POLA2: variants seen among roughly 807,000 people sequenced by gnomAD.
POLA2 encodes DNA polymerase alpha subunit B.
POLA2 carries 47 observed loss-of-function variants against 82.8 expected under a neutral mutation model. That is an observed-to-expected ratio of 0.57 (90% confidence interval 0.45 to 0.72). The LOEUF is 0.72. POLA2 is among the 30% of genes least tolerant of loss of function. POLA2 has a pLI of 0.00. For synonymous variants in POLA2, 287 were observed against 286.8 expected (o/e 1.00, Z -0.01); for missense variants, 634 against 728.1 (o/e 0.87, Z 1.49).
intron 8 of POLA2, among the ~76,000 whole-genome samples, chr11:65,304,512 T>G (rs1565500687): frequency 6.7e-6 from 1 of 150,030 alleles, no homozygotes; most frequent in Non-Finnish European, 1.5e-5. Flanking sequence ...TCTGGGGGAC[T>G]GGCTATGATC....
At chr11:65,301,233 G>A (rs548264212), downstream of POLA2, among the ~76,000 whole-genome samples, 6 of 152,242 alleles carry the variant, frequency 3.9e-5, no homozygotes, top group South Asian at 2.1e-4. Flanking sequence ...TGATGGGCCC[G>A]GAATGGTGCT....
chr11:65,295,646 G>T (rs762705084), intron 16 of POLA2, 47 bp downstream of exon 16: 2 of 1,525,942 alleles, frequency 1.3e-6, no homozygotes, highest in Non-Finnish European at 1.8e-6. Context: ...GTGCCTTGGG[G>T]TCATGGAGCT....
chr11:65,301,705 G>C (rs1226031653), downstream of POLA2, among the ~76,000 whole-genome samples: 1 of 152,146 alleles, frequency 6.6e-6, no homozygotes, highest in Non-Finnish European at 1.5e-5. Flanking sequence ...GGACTGGCCT[G>C]GGGGCAGGGG....
rs368001126 is a variant in POLA2 at position 65,295,571 on chromosome 11, A to G, written c.1492A>G (p.Ile498Val). 1.1e-5 allele frequency: 17 copies of G among 1,614,062 alleles called. No individual in the cohort carries two copies. In the African/African-American group the frequency reaches 1.7e-4, roughly 16 times the overall value. The change falls in exon 16 of 18, where the codon ATA becomes GTA. Residue 498 changes from isoleucine (I) to valine (V), a missense_variant. Transcript: ENST00000265465. Reference protein sequence around the residue: ...SSGTSDRFSRILKHILTQRSY... With the variant: ...SSGTSDRFSRVLKHILTQRSY... ...CGGAACTTCAGACAGATTCAGCCGA[A>G]TACTCAAGCACATCTTGACCCAGAG...
intron 1 of POLA2, among the ~76,000 whole-genome samples, chr11:65,264,404 C>T (rs773782673): frequency 9.2e-5 from 14 of 152,068 alleles, no homozygotes; most frequent in Non-Finnish European, 7.4e-5. Flanking sequence ...AAGGTTTCAC[C>T]ATGTTGGCCA....
At chr11:65,276,531 T>C (rs1008280909) in intron 5 of POLA2, among the ~76,000 whole-genome samples, 1 of 152,188 alleles carries the variant, frequency 6.6e-6, no homozygotes, top group Admixed American at 6.5e-5. Flanking sequence ...TGGTATTTTG[T>C]CCCTCTGCCA....
rs760641138 is a variant in POLA2, at chr11:65,275,366, C to CAA, written c.355-507_355-506dup. ...TATCTTTGGATTCTTGTTGATGAGT[C>CAA]AAAAAAAAAAAAAAAAAAAAGGAGT... On this transcript the variant is annotated intron_variant, in intron 4 of 17. Transcript: ENST00000265465. 8.6e-4 allele frequency among the ~76,000 whole-genome samples: 74 copies of CAA among 85,744 alleles called. 1 individual carries two copies. The highest frequency in any genetic ancestry group is 8.5e-3 in the East Asian group (26 of 3,068). The allele number at this position is 85,744 out of a possible 152,430, so 56.3% of individuals were successfully genotyped here.
chr11:65,266,660 A>G lies in POLA2; in HGVS notation c.158A>G (p.His53Arg), dbSNP rs765622930. Residue 53 changes from histidine to arginine, a missense_variant, in exon 2 of 18, where the codon CAT (histidine) becomes CGT (arginine). Coordinates refer to ENST00000265465, the MANE Select transcript of POLA2 (RefSeq NM_002689.4). ...GELIAFCTST[H>R]KVGLTSEILN... ...CTTATAGCCTTCTGCACCAGCACACATAAAGTTGGCCTTACCTCAGAGATC... is the reference window on the plus strand; with the variant it reads ...CTTATAGCCTTCTGCACCAGCACACGTAAAGTTGGCCTTACCTCAGAGATC... 3.7e-6 allele frequency: 6 copies of G among 1,614,096 alleles called. No individual in the cohort carries two copies. Among genetic ancestry groups the G allele is most frequent in the Admixed American group, 3.3e-5 (2 of 60,008 alleles).
intron 5 of POLA2, among the ~76,000 whole-genome samples, chr11:65,277,439 A>G (rs1949593535): frequency 6.6e-6 from 1 of 152,088 alleles, no homozygotes; most frequent in Admixed American, 6.6e-5. Flanking sequence ...TAGCCTCCCA[A>G]AGTACTGGGA....
chr11:65,298,945 G>A (rs1949841837), downstream of POLA2, among the ~76,000 whole-genome samples: 1 of 152,226 alleles, frequency 6.6e-6, no homozygotes, highest in African/African-American at 2.4e-5. Context: ...GCCGGAGCAG[G>A]CATTTAAGAG....
intron 3 of POLA2, among the ~76,000 whole-genome samples, chr11:65,268,391 G>A (rs576560648): frequency 2.7e-4 from 41 of 149,924 alleles, no homozygotes; most frequent in African/African-American, 9.1e-4. Context: ...TCGCTGTGTC[G>A]CCCATGCTGG....
intron 1 of POLA2, among the ~76,000 whole-genome samples, chr11:65,265,964 C>A (rs887503240): frequency 2.0e-5 from 3 of 152,162 alleles, no homozygotes; most frequent in African/African-American, 7.2e-5. Flanking sequence ...ACTGATGGTT[C>A]CCAAATTTAT....
chr11:65,277,140 C>G lies in POLA2; in HGVS notation c.461+1142C>G, dbSNP rs1243354311. On this transcript the variant is annotated intron_variant, in intron 5 of 17. Coordinates refer to ENST00000265465, the MANE Select transcript of POLA2 (RefSeq NM_002689.4). Reference sequence around the variant, plus strand: ...TGGTGATAGAAGCTCTGCAGTCATTCAAGGTGAGTGGTCATTGGATTTTTT... The same window carrying G: ...TGGTGATAGAAGCTCTGCAGTCATTGAAGGTGAGTGGTCATTGGATTTTTT... Among the ~76,000 whole-genome samples, 3 of 150,170 alleles carry G rather than the reference C, an allele frequency of 2.0e-5. No individual in the cohort carries two copies. The East Asian group carries it at 5.9e-4, about 30-fold the overall frequency.
At chr11:65,263,576 C>G (rs2137480082) in intron 1 of POLA2, among the ~76,000 whole-genome samples, 1 of 152,104 alleles carries the variant, frequency 6.6e-6, no homozygotes, top group South Asian at 2.1e-4. Flanking sequence ...GCCTGTAATC[C>G]CAGCATTTTG....
At chr11:65,270,174 C>A (rs977100846) in intron 4 of POLA2, among the ~76,000 whole-genome samples, 5 of 151,586 alleles carry the variant, frequency 3.3e-5, no homozygotes, top group African/African-American at 1.2e-4. Context: ...TGTAGAAATT[C>A]ATAAACATGG....
At position 65,281,106 on chromosome 11, in the gene POLA2, G is replaced by A. The variant is rs752047249; in HGVS notation, c.859G>A (p.Asp287Asn). ...TTCCTCGGGTGCTCAAATTCCAGTG[G>A]ATTTATCTGAGCTTAAGGAATATTC... ...EHSSGAQIPVDLSELKEYSLF... is the reference protein window; with the variant it reads ...EHSSGAQIPVNLSELKEYSLF... The change falls in exon 8 of 18, where the codon GAT (aspartate) becomes AAT (asparagine). Residue 287 changes from aspartate to asparagine, a missense_variant. By Grantham distance (23) the Asp-to-Asn change is conservative (BLOSUM62 1). Transcript: ENST00000265465. The A allele has an allele frequency of 1.9e-6, 3 of 1,614,148 alleles. No homozygotes were observed. The highest frequency in any genetic ancestry group is 1.7e-6 in the Non-Finnish European group (2 of 1,180,014).
chr11:65,281,067 G>A lies in POLA2; in HGVS notation c.820G>A (p.Gly274Arg). 6.2e-7 allele frequency: 1 copy of A among 1,614,132 alleles called. No individual in the cohort carries two copies. Among genetic ancestry groups the A allele is most frequent in the Non-Finnish European group, 8.5e-7 (1 of 1,180,016 alleles). Residue 274 changes from glycine to arginine, a missense_variant, in exon 8 of 18, where the codon GGA (glycine) becomes AGA (arginine). By Grantham distance (125) the Gly-to-Arg change is moderately radical. Transcript: ENST00000265465. ...GAACAACAAGTCAGTGATTCTCGAG[G>A]GAGACCGGGAACATTCCTCGGGTGC... is the stretch of plus-strand genomic sequence containing the variant. Reference protein sequence around the residue: ...KLNNKSVILEGDREHSSGAQI... With the variant: ...KLNNKSVILERDREHSSGAQI...
At chr11:65,304,731 C>T (rs927476744) in intron 8 of POLA2, among the ~76,000 whole-genome samples, 3 of 152,184 alleles carry the variant, frequency 2.0e-5, no homozygotes, top group African/African-American at 7.2e-5. Context: ...GGAGCATGTG[C>T]AGGGACCTAG....
intron 17 of POLA2, chr11:65,296,616 T>C (rs1175878142): frequency 1.3e-5 from 2 of 158,974 alleles, no homozygotes; most frequent in Non-Finnish European, 2.8e-5. Flanking sequence ...TTTGAAAGAC[T>C]TAAAAGGAAT....
Sources: allele counts gnomAD v4.1 joint callset (sites outside exome capture counted in the v4.1 genomes callset), GRCh38; gene constraint gnomAD v4.1.1; transcripts MANE v1.5; gene names NCBI Gene and HGNC (gene_info 2026-07-23, HGNC 2026-07-21).